RAPGEF4: variants seen among roughly 807,000 people sequenced by gnomAD.
The protein encoded by RAPGEF4 is Rap guanine nucleotide exchange factor 4, also known as RAP guanine-nucleotide-exchange factor (GEF) 4.
A neutral mutation model predicts 147.9 loss-of-function variants in RAPGEF4; 66 were observed. The observed-to-expected ratio is 0.45, with a 90% CI of 0.37 to 0.55. The LOEUF (loss-of-function observed/expected upper bound fraction) is 0.55. Among genes scored for constraint, RAPGEF4 ranks in the 20% least tolerant of loss-of-function variants. The probability of loss-of-function intolerance (pLI) is 0.00; values close to 1 mark genes in which losing one functional copy is unlikely to be tolerated. For synonymous variants in RAPGEF4, 419 were observed against 442.7 expected, an observed-to-expected ratio of 0.95 and a Z score of 0.67; for missense variants, 1,071 against 1,257.3, an observed-to-expected ratio of 0.85 and a Z score of 2.24.
intron 11 of RAPGEF4, 84 bp from the exon 12 acceptor site, chr2:172,985,349 A>G: frequency 6.3e-7 from 1 of 1,597,840 alleles, no homozygotes. Flanking sequence ...GACAGTTTGC[A>G]TTGTGCCCCC....
At chr2:173,029,488 T>C (rs997961781) in intron 25 of RAPGEF4, among the ~76,000 whole-genome samples, 3 of 152,236 alleles carry the variant, frequency 2.0e-5, no homozygotes, top group Non-Finnish European at 2.9e-5. Context: ...TTTCCACATG[T>C]CTCATTCCCA....
chr2:172,988,348 T>G, intron 13 of RAPGEF4, 76 bp downstream of exon 13: 1 of 1,520,060 alleles, frequency 6.6e-7, no homozygotes, highest in Non-Finnish European at 8.8e-7. Flanking sequence ...AGCAATGTAG[T>G]GCCACAATTA....
intron 1 of RAPGEF4, among the ~76,000 whole-genome samples, chr2:172,756,610 T>C (rs1470284203): frequency 1.3e-5 from 2 of 152,234 alleles, no homozygotes; most frequent in Non-Finnish European, 2.9e-5. Context: ...TCTTGTAGGC[T>C]AATCTCTTAA....
intron 3 of RAPGEF4, among the ~76,000 whole-genome samples, chr2:172,805,038 G>A (rs1687349326): frequency 6.6e-6 from 1 of 152,210 alleles, no homozygotes; most frequent in Non-Finnish European, 1.5e-5. Context: ...TCTGGGCCCA[G>A]GAAGCATCAG....
chr2:172,819,480 T>TTTTTTG (rs1688840690), intron 4 of RAPGEF4, among the ~76,000 whole-genome samples: 1 of 135,058 alleles, frequency 7.4e-6, no homozygotes, highest in African/African-American at 2.8e-5. Flanking sequence ...TTTTTTTTTT[T>TTTTTTG]TTTGAGACGG....
chr2:173,023,277 C>T (rs1696294000), intron 23 of RAPGEF4, among the ~76,000 whole-genome samples: 3 of 152,200 alleles, frequency 2.0e-5, no homozygotes, highest in Admixed American at 1.3e-4. Flanking sequence ...TACCCCTCTC[C>T]AGCCTTAGCA....
At chr2:172,818,489 C>T (rs1012307562) in intron 4 of RAPGEF4, among the ~76,000 whole-genome samples, 4 of 152,114 alleles carry the variant, frequency 2.6e-5, no homozygotes, top group African/African-American at 9.7e-5. Context: ...AAATTAGAGA[C>T]CCTGAATCAG....
At chr2:173,051,471 G>A (rs1353538297) in intron 30 of RAPGEF4, among the ~76,000 whole-genome samples, 169 bp from the exon 31 acceptor site, 1 of 152,168 alleles carries the variant, frequency 6.6e-6, no homozygotes, top group African/African-American at 2.4e-5. Flanking sequence ...GGGTAGGAAG[G>A]AGGAGATGGA....
At chr2:172,937,581 G>GTAGT (rs1230867500) in intron 6 of RAPGEF4, among the ~76,000 whole-genome samples, 1 of 152,068 alleles carries the variant, frequency 6.6e-6, no homozygotes, top group Non-Finnish European at 1.5e-5. Context: ...TCTGGCTGAG[G>GTAGT]TAGTGTCTGC....
intron 15 of RAPGEF4, among the ~76,000 whole-genome samples, chr2:172,996,026 G>A (rs1693321489): frequency 6.6e-6 from 1 of 152,120 alleles, no homozygotes; most frequent in Admixed American, 6.5e-5. Context: ...ATAGGCGGGG[G>A]AATCCAGTGT....
intron 11 of RAPGEF4, among the ~76,000 whole-genome samples, chr2:172,985,212 A>G (rs1255146083): frequency 6.6e-6 from 1 of 152,238 alleles, no homozygotes; most frequent in Non-Finnish European, 1.5e-5. Context: ...CCTGGTATGA[A>G]TTAGCTATAA....
chr2:172,875,516 A>T (rs1005415261), intron 4 of RAPGEF4, among the ~76,000 whole-genome samples: 1 of 152,114 alleles, frequency 6.6e-6, no homozygotes, highest in Admixed American at 6.5e-5. Context: ...TCCTTTCCCT[A>T]TTGCTTGTTT....
chr2:172,891,039 G>A (rs923709791), intron 4 of RAPGEF4, among the ~76,000 whole-genome samples: 13 of 152,208 alleles, frequency 8.5e-5, no homozygotes, highest in African/African-American at 3.1e-4. Context: ...GCTGAGGCAT[G>A]AGAATCGCTT....
intron 17 of RAPGEF4, among the ~76,000 whole-genome samples, chr2:173,009,516 T>C (rs1022257512): frequency 1.3e-5 from 2 of 152,114 alleles, no homozygotes; most frequent in Non-Finnish European, 1.5e-5. Flanking sequence ...AAATCCAAAA[T>C]CCAAAATGCT....
chr2:172,904,433 A>G (rs547628408), intron 4 of RAPGEF4, among the ~76,000 whole-genome samples: 1 of 152,322 alleles, frequency 6.6e-6, no homozygotes, highest in East Asian at 1.9e-4. Context: ...ACGACTTTCA[A>G]TTAAGTAGCA....
chr2:172,806,884 A>G (rs1687546353), intron 3 of RAPGEF4, among the ~76,000 whole-genome samples: 1 of 152,190 alleles, frequency 6.6e-6, no homozygotes, highest in Non-Finnish European at 1.5e-5. Flanking sequence ...GTTTTTAAGC[A>G]TTGCATTTTT....
intron 4 of RAPGEF4, among the ~76,000 whole-genome samples, chr2:172,858,665 A>G (rs1193560266): frequency 1.3e-5 from 2 of 152,266 alleles, no homozygotes; most frequent in African/African-American, 2.4e-5. Context: ...TGACAAGCCC[A>G]GATTTAAATT....
At chr2:172,817,875 GATAT>G (rs57719631) in intron 4 of RAPGEF4, among the ~76,000 whole-genome samples, 60,831 of 142,732 alleles carry the variant, frequency 0.43, 13,194 homozygotes, top group Non-Finnish European at 0.49. Flanking sequence ...AAGAAATTGT[GATAT>G]ATATATATAT....
At chr2:172,961,335 A>C in intron 8 of RAPGEF4, 107 bp downstream of exon 8, 7 of 852,630 alleles carry the variant, frequency 8.2e-6, no homozygotes, top group Non-Finnish European at 1.3e-5. Flanking sequence ...CCCATTTTGT[A>C]ATGCCTTCAG....
Sources: gnomAD v4.1 joint callset for allele counts (sites outside exome capture counted in the v4.1 genomes callset) on GRCh38, gnomAD v4.1.1 for gene constraint, MANE v1.5 for transcripts, NCBI Gene and HGNC (gene_info 2026-07-23, HGNC 2026-07-21) for gene names.